RUNX1T1: variants seen among roughly 807,000 people sequenced by gnomAD.
RUNX1T1 encodes the protein protein CBFA2T1.
RUNX1T1 carries 4 observed loss-of-function variants against 62.8 expected under a neutral mutation model. The ratio of observed to expected loss-of-function variants is 0.06; its 90% CI spans 0.03 to 0.15. The LOEUF is 0.15. Ranked by LOEUF, RUNX1T1 falls within the 10% of genes least tolerant of loss-of-function variation. RUNX1T1 has a pLI of 1.00. For missense variants in RUNX1T1, 508 were observed against 754.3 expected, an observed-to-expected ratio of 0.67 and a Z score of 3.82; for synonymous variants, 291 against 286.0, an observed-to-expected ratio of 1.02 and a Z score of -0.18.
intron 6 of RUNX1T1, 64 bp from the exon 8 acceptor site, chr8:91,987,036 A>G (rs894029539): frequency 2.8e-6 from 3 of 1,063,308 alleles, no homozygotes; most frequent in South Asian, 2.5e-5. Flanking sequence ...AAACACACAG[A>G]CTCATAGCAA....
chr8:91,982,235 T>C (rs1379886601), intron 8 of RUNX1T1, among the ~76,000 whole-genome samples: 2 of 88,784 alleles, frequency 2.3e-5, no homozygotes, highest in East Asian at 2.7e-4. Flanking sequence ...AGACCCTGTC[T>C]CAAAAAAAAA....
chr8:92,012,568 T>A (rs1055770049), intron 3 of RUNX1T1, among the ~76,000 whole-genome samples: 6 of 151,992 alleles, frequency 3.9e-5, no homozygotes, highest in African/African-American at 1.4e-4. Flanking sequence ...TAAAAAAAAA[T>A]GTTTAAAAGA....
chr8:91,998,410 GGA>G (rs1819121223), intron 5 of RUNX1T1, among the ~76,000 whole-genome samples: 1 of 152,148 alleles, frequency 6.6e-6, no homozygotes. Flanking sequence ...TGGGCCAGGT[GGA>G]GAGAAGCACC....
Position 91,992,013 on chromosome 8 carries a change from T to C in RUNX1T1, c.660-124A>G, listed in dbSNP as rs2130885941. 11 of 1,023,772 alleles carry C rather than the reference T, an allele frequency of 1.1e-5. No homozygotes were observed. In the South Asian group the frequency reaches 1.6e-4, roughly 15 times the overall value. The allele number at this position is 1,023,772 out of a possible 1,614,324, so 63.4% of individuals were successfully genotyped here. ...TTTATTGGCCAGAAACCTTCTAAAC[T>C]CAGCTTCCCAGAAAACATACGGGAA... is the stretch of plus-strand genomic sequence containing the variant. On this transcript the variant is annotated intron_variant, in intron 5 of 10. Coordinates refer to ENST00000396218, the Ensembl canonical transcript of RUNX1T1.
At chr8:92,032,402 TA>T (rs1385827929) in intron 1 of RUNX1T1, among the ~76,000 whole-genome samples, 1 of 152,012 alleles carries the variant, frequency 6.6e-6, no homozygotes, top group East Asian at 1.9e-4. Context: ...AAAACTGCAG[TA>T]AAAAATTAAA....
At chr8:92,088,039 G>A (rs939438827) in intron 1 of RUNX1T1, among the ~76,000 whole-genome samples, 3 of 152,140 alleles carry the variant, frequency 2.0e-5, no homozygotes, top group Non-Finnish European at 4.4e-5. Context: ...GTCAAATGCG[G>A]AACTCATTTC....
intron 1 of RUNX1T1, among the ~76,000 whole-genome samples, chr8:92,043,725 C>T (rs1828879777): frequency 6.6e-6 from 1 of 151,814 alleles, no homozygotes; most frequent in South Asian, 2.1e-4. Flanking sequence ...ACCTGTAATC[C>T]CAGCACTCTG....
intron 8 of RUNX1T1, 126 bp downstream of exon 9, chr8:91,985,998 G>A (rs1472199932): frequency 1.3e-6 from 1 of 740,784 alleles, no homozygotes; most frequent in Non-Finnish European, 2.4e-6. Context: ...CATATTGGAG[G>A]ATATGTAAAT....
intron 3 of RUNX1T1, among the ~76,000 whole-genome samples, chr8:92,012,096 G>A (rs1330663384): frequency 6.6e-6 from 1 of 151,994 alleles, no homozygotes; most frequent in African/African-American, 2.4e-5. Flanking sequence ...CAAAGTACAC[G>A]AGCACCAAGT....
chr8:92,021,564 C>A (rs1286120411), intron 1 of RUNX1T1, among the ~76,000 whole-genome samples: 1 of 152,098 alleles, frequency 6.6e-6, no homozygotes, highest in African/African-American at 2.4e-5. Flanking sequence ...AGAATAACTT[C>A]CTAAGGCAGA....
chr8:91,962,013 A>G (rs1810564273), intron 10 of RUNX1T1, among the ~76,000 whole-genome samples: 1 of 152,188 alleles, frequency 6.6e-6, no homozygotes, highest in African/African-American at 2.4e-5. Flanking sequence ...AGCTGCTGAC[A>G]ATACTATACT....
chr8:91,986,361 A>G, intron 7 of RUNX1T1, 36 bp from the exon 9 acceptor site: 1 of 1,494,336 alleles, frequency 6.7e-7, no homozygotes. Context: ...AAGAGCATAT[A>G]AATCATCACA....
chr8:92,091,246 C>T (rs1381962986), intron 1 of RUNX1T1, among the ~76,000 whole-genome samples: 2 of 152,166 alleles, frequency 1.3e-5, no homozygotes, highest in Non-Finnish European at 1.5e-5. Context: ...GATATGAAAC[C>T]GACCAAAACA....
chr8:91,983,746 A>C (rs1342260227), intron 8 of RUNX1T1, among the ~76,000 whole-genome samples: 1 of 152,200 alleles, frequency 6.6e-6, no homozygotes, highest in South Asian at 2.1e-4. Context: ...TCAACTCCAA[A>C]GCCTGGAAGA....
chr8:92,037,459 C>A (rs1827635365), intron 1 of RUNX1T1, among the ~76,000 whole-genome samples: 1 of 152,180 alleles, frequency 6.6e-6, no homozygotes, highest in South Asian at 2.1e-4. Context: ...AGGCAGATCA[C>A]TTGAGGCCAG....
intron 1 of RUNX1T1, among the ~76,000 whole-genome samples, chr8:92,056,437 T>C (rs541901098): frequency 6.6e-6 from 1 of 152,318 alleles, no homozygotes; most frequent in South Asian, 2.1e-4. Flanking sequence ...AATTATTTTC[T>C]TCCATGAGTG....
intron 1 of RUNX1T1, among the ~76,000 whole-genome samples, chr8:92,038,467 C>G (rs1827828871): frequency 6.6e-6 from 1 of 151,972 alleles, no homozygotes; most frequent in Non-Finnish European, 1.5e-5. Context: ...TGAATAGTTA[C>G]GAGTTCATGC....
chr8:92,092,053 C>T (rs1837105730), intron 1 of RUNX1T1, among the ~76,000 whole-genome samples: 1 of 152,126 alleles, frequency 6.6e-6, no homozygotes, highest in Non-Finnish European at 1.5e-5. Context: ...AGGTCTCACC[C>T]CAGACAAATT....
At chr8:91,989,089 G>C (rs997113507) in intron 6 of RUNX1T1, among the ~76,000 whole-genome samples, 2 of 152,070 alleles carry the variant, frequency 1.3e-5, no homozygotes, top group Admixed American at 6.6e-5. Flanking sequence ...TGACACTAAT[G>C]TTGAGTCTCA....
Sources: gnomAD v4.1 joint callset for allele counts (sites outside exome capture counted in the v4.1 genomes callset) on GRCh38, gnomAD v4.1.1 for gene constraint, MANE v1.5 for transcripts, NCBI Gene and HGNC (gene_info 2026-07-23, HGNC 2026-07-21) for gene names.